The following ZNF569 variants were observed in gnomAD, a reference collection of about 807,000 sequenced individuals.
ZNF569 encodes the protein DNA-binding protein.
In ZNF569, 38 loss-of-function variants were observed where a neutral mutation model predicts 56.3. That is an observed-to-expected ratio of 0.68 (90% confidence interval 0.52 to 0.88). The LOEUF (loss-of-function observed/expected upper bound fraction) is 0.88, where lower values mean the gene tolerates loss of function less well. Ranked by LOEUF, ZNF569 falls within the 40% of genes least tolerant of loss-of-function variation. The probability of loss-of-function intolerance (pLI) is 0.00; values close to 1 mark genes in which losing one functional copy is unlikely to be tolerated. For missense variants in ZNF569, 666 were observed against 809.2 expected, an observed-to-expected ratio of 0.82 and a Z score of 2.15; for synonymous variants, 241 against 262.9, an observed-to-expected ratio of 0.92 and a Z score of 0.81.
At chr19:37,454,822 G>T (rs1185184818) in intron 2 of ZNF569, 2 of 701,890 alleles carry the variant, frequency 2.8e-6, no homozygotes, top group East Asian at 5.4e-5. Flanking sequence ...CTTGATAGCT[G>T]TATTTTCTTA....
In ZNF569 at chr19:37,443,369, C is replaced by T. The variant is rs79168224; in HGVS notation, c.15+1538G>A. Reference sequence around the variant, plus strand: ...CACAAAAAACAAACAAAAAAAACCACGGTCAAAGAAAGGTATATCTCAGAA... The same window carrying T: ...CACAAAAAACAAACAAAAAAAACCATGGTCAAAGAAAGGTATATCTCAGAA... On this transcript the variant is annotated intron_variant, in intron 3 of 5. Transcript: ENST00000316950. 8.3e-3 allele frequency among the ~76,000 whole-genome samples: 1,256 copies of T among 152,044 alleles called. 15 individuals carry two copies. Among genetic ancestry groups the T allele is most frequent in the African/African-American group, 0.028 (1,180 of 41,498 alleles).
At chr19:37,451,443 C>T (rs1360237170) in intron 2 of ZNF569, among the ~76,000 whole-genome samples, 1 of 150,902 alleles carries the variant, frequency 6.6e-6, no homozygotes, top group South Asian at 2.1e-4. Flanking sequence ...CTCTCAGATC[C>T]ATTAGGTCTA....
chr19:37,451,400 A>G (rs77863768), intron 2 of ZNF569, among the ~76,000 whole-genome samples: 2,033 of 51,902 alleles, frequency 0.039, 42 homozygotes, highest in African/African-American at 0.16. Flanking sequence ...ACCCCATCTG[A>G]AAAAAAAAAA....
intron 5 of ZNF569, among the ~76,000 whole-genome samples, chr19:37,417,088 A>G (rs1056581352): frequency 1.3e-5 from 2 of 152,190 alleles, no homozygotes; most frequent in Non-Finnish European, 2.9e-5. Flanking sequence ...AAGAAATGCC[A>G]TGTGAAGATG....
intron 5 of ZNF569, among the ~76,000 whole-genome samples, chr19:37,414,937 A>G (rs1388086520): frequency 6.6e-6 from 1 of 152,156 alleles, no homozygotes; most frequent in Non-Finnish European, 1.5e-5. Context: ...ACAAAAAGGA[A>G]AAACCCAGAG....
upstream of ZNF569, chr19:37,467,923 G>T (rs190719205): frequency 3.3e-5 from 51 of 1,536,082 alleles, no homozygotes; most frequent in East Asian, 1.2e-3. Flanking sequence ...TGGACTTCTC[G>T]ATTGTGAGTG....
intron 5 of ZNF569, among the ~76,000 whole-genome samples, chr19:37,423,730 G>T (rs2041076513): frequency 6.6e-6 from 1 of 152,074 alleles, no homozygotes; most frequent in South Asian, 2.1e-4. Flanking sequence ...AAGGGCAAAG[G>T]ATACCAACTG....
chr19:37,439,917 T>A (rs970863144), intron 3 of ZNF569, among the ~76,000 whole-genome samples: 5 of 152,072 alleles, frequency 3.3e-5, no homozygotes, highest in Admixed American at 6.6e-5. Flanking sequence ...GGAAGGATAG[T>A]GGGTGGGGGA....
chr19:37,448,784 C>G (rs2041543631), intron 2 of ZNF569, among the ~76,000 whole-genome samples: 1 of 151,910 alleles, frequency 6.6e-6, no homozygotes, highest in Non-Finnish European at 1.5e-5. Context: ...AGGATGGTCT[C>G]GATCTCCTGA....
intron 2 of ZNF569, among the ~76,000 whole-genome samples, chr19:37,460,657 G>A (rs1219809796): frequency 6.6e-6 from 1 of 152,036 alleles, no homozygotes; most frequent in Non-Finnish European, 1.5e-5. Context: ...TGCAGGGGCT[G>A]AGGCAGAAGT....
chr19:37,442,637 T>A (rs1468536548), intron 3 of ZNF569, among the ~76,000 whole-genome samples: 1 of 152,132 alleles, frequency 6.6e-6, no homozygotes, highest in Admixed American at 6.5e-5. Flanking sequence ...ACAGGGAGAT[T>A]AGTAGGCAGT....
In ZNF569 at chr19:37,444,861, G is replaced by A. The variant is rs1397522065; in HGVS notation, c.15+46C>T. 1.4e-6 allele frequency: 2 copies of A among 1,463,994 alleles called. 1 individual carries two copies. Among genetic ancestry groups the A allele is most frequent in the Middle Eastern group, 3.5e-4 (2 of 5,762 alleles). 90.7% of individuals were successfully genotyped at this position (1,463,994 alleles called of 1,614,324 possible). On this transcript the variant is annotated intron_variant, in intron 3 of 5. Coordinates refer to ENST00000316950, the MANE Select transcript of ZNF569 (RefSeq NM_152484.3). ...TGAATTACTGCAATCCCCTTAAATT[G>A]CATTGGAGAGTAAGGCAAGAAACAA...
chr19:37,425,803 CA>C, intron 5 of ZNF569, 64 bp downstream of exon 5: 4 of 1,252,942 alleles, frequency 3.2e-6, no homozygotes, highest in Non-Finnish European at 4.7e-6. Flanking sequence ...AGGGATCAAC[CA>C]TTCACTGATT....
chr19:37,425,397 C>T lies in ZNF569; in HGVS notation c.238+471G>A, dbSNP rs187566818. Among the ~76,000 whole-genome samples the T allele has an allele frequency of 6.3e-3, 937 of 148,264 alleles. 25 individuals carry two copies. The highest frequency in any genetic ancestry group is 0.055 in the East Asian group (265 of 4,836). On this transcript the variant is annotated intron_variant, in intron 5 of 5. Coordinates refer to ENST00000316950, the MANE Select transcript of ZNF569 (RefSeq NM_152484.3). ...AGTGCAGTGGCGCAATCTTGGCTCA[C>T]TGCAACCTCTGCCTCCCGGGTTCAA...
chr19:37,468,624 G>A (rs942922783), upstream of ZNF569, among the ~76,000 whole-genome samples: 1 of 152,216 alleles, frequency 6.6e-6, no homozygotes, highest in Non-Finnish European at 1.5e-5. Context: ...TTCTGCCTCA[G>A]CCTCCTGAGT....
intron 2 of ZNF569, among the ~76,000 whole-genome samples, chr19:37,458,498 T>A (rs1254848584): frequency 6.6e-6 from 1 of 152,248 alleles, no homozygotes; most frequent in Non-Finnish European, 1.5e-5. Context: ...TTCTTGTTCT[T>A]AAAGAGATCA....
chr19:37,468,071 G>GT (rs35295578), upstream of ZNF569: 108,914 of 572,396 alleles, frequency 0.19, 3,012 homozygotes, highest in South Asian at 0.26. Flanking sequence ...TGCCTTTCGT[G>GT]TTTTTTTTTT....
chr19:37,465,810 A>C (rs1281230752), intron 1 of ZNF569, among the ~76,000 whole-genome samples: 1 of 152,226 alleles, frequency 6.6e-6, no homozygotes, highest in Non-Finnish European at 1.5e-5. Flanking sequence ...AAAAATTTAG[A>C]AAAGTATATT....
At chr19:37,431,404 G>A (rs1007005033) in intron 3 of ZNF569, among the ~76,000 whole-genome samples, 1 of 152,104 alleles carries the variant, frequency 6.6e-6, no homozygotes, top group African/African-American at 2.4e-5. Context: ...CATTCCATGC[G>A]CTAGCTCCTG....
Sources: allele counts gnomAD v4.1 joint callset (sites outside exome capture counted in the v4.1 genomes callset), GRCh38; gene constraint gnomAD v4.1.1; transcripts MANE v1.5; gene names NCBI Gene and HGNC (gene_info 2026-07-23, HGNC 2026-07-21).